The following PDPR variants were observed in gnomAD, a reference collection of about 807,000 sequenced individuals.
PDPR encodes the protein pyruvate dehydrogenase phosphatase regulatory subunit, also known as pyruvate dehydrogenase phosphatase regulatory subunit, mitochondrial.
In PDPR, 50 loss-of-function variants were observed where a neutral mutation model predicts 102.2. The ratio of observed to expected loss-of-function variants is 0.49; its 90% confidence interval spans 0.39 to 0.62. The LOEUF is 0.62. Among genes scored for constraint, PDPR ranks in the 20% least tolerant of loss-of-function variants. PDPR has a pLI of 0.00. For synonymous variants in PDPR, 259 were observed against 406.0 expected (o/e 0.64, Z 4.35); for missense variants, 625 against 1,098.2 (o/e 0.57, Z 6.09).
intron 4 of PDPR, among the ~76,000 whole-genome samples, chr16:70,127,805 G>A (rs951323934): frequency 2.0e-5 from 3 of 152,274 alleles, no homozygotes; most frequent in Non-Finnish European, 4.4e-5. Context: ...AACAGGAATT[G>A]GCTCTGGCCA....
intron 11 of PDPR, among the ~76,000 whole-genome samples, chr16:70,140,530 G>C (rs1483667914): frequency 6.6e-6 from 1 of 151,870 alleles, no homozygotes; most frequent in East Asian, 2.0e-4. Context: ...ATAGAAAATG[G>C]GGAAGGCGCC....
chr16:70,156,381 T>G (rs1967193629), intron 18 of PDPR, 94 bp from the exon 19 acceptor site: 1 of 1,458,280 alleles, frequency 6.9e-7, no homozygotes. Flanking sequence ...TGTGCCCCAT[T>G]GCAGTGACAC....
intron 2 of PDPR, among the ~76,000 whole-genome samples, chr16:70,118,725 G>A (rs1351650127): frequency 1.3e-5 from 2 of 152,164 alleles, no homozygotes; most frequent in Non-Finnish European, 2.9e-5. Context: ...ACGTGGAGAT[G>A]AGATTATGGA....
chr16:70,156,259 C>T (rs900727106), intron 18 of PDPR: 29 of 599,472 alleles, frequency 4.8e-5, no homozygotes, highest in African/African-American at 3.9e-4. Context: ...AAATGCGTAC[C>T]TCTGTTGTTA....
At chr16:70,114,636 C>G (rs183340036) in intron 1 of PDPR, among the ~76,000 whole-genome samples, 185 bp from the exon 2 acceptor site, 1 of 152,246 alleles carries the variant, frequency 6.6e-6, no homozygotes, top group Non-Finnish European at 1.5e-5. Flanking sequence ...TAAGGTTGTC[C>G]GCTCGTGCCT....
intron 9 of PDPR, among the ~76,000 whole-genome samples, chr16:70,133,413 C>A (rs1360329991): frequency 1.0e-5 from 1 of 97,548 alleles, no homozygotes; most frequent in Non-Finnish European, 2.0e-5. Flanking sequence ...TGAGCCACTG[C>A]GTCTGGCCTT....
rs773138743 is a variant in PDPR at position 70,148,456 on chromosome 16, C to G, written c.1963-8C>G. On this transcript the variant is annotated splice_polypyrimidine_tract_variant and splice_region_variant and intron_variant, in intron 16 of 18. Coordinates refer to ENST00000288050, the MANE Select transcript of PDPR (RefSeq NM_017990.5). ...TGCCCAGGCTGACTGCTGCCTTTGTCCCTGCAGGAGATGAGTGTGGGCTAT... is the reference window on the plus strand; with the variant it reads ...TGCCCAGGCTGACTGCTGCCTTTGTGCCTGCAGGAGATGAGTGTGGGCTAT... 1.7e-5 allele frequency: 28 copies of G among 1,609,202 alleles called. No individual in the cohort carries two copies. Among genetic ancestry groups the G allele is most frequent in the Middle Eastern group, 3.3e-4 (2 of 6,064 alleles).
In PDPR at chr16:70,162,018, G is replaced by C. The variant is rs369912590; in HGVS notation, c.*5139G>C. The C allele has an allele frequency of 6.6e-6, 1 of 152,386 alleles. No individual in the cohort carries two copies. Among genetic ancestry groups the C allele is most frequent in the Non-Finnish European group, 1.5e-5 (1 of 68,122 alleles). The allele number at this position is 152,386 out of a possible 1,614,324, so 9.4% of individuals were successfully genotyped here. The stretch of plus-strand genomic sequence containing the variant: ...TAGAGCCCCACTATTCTCTAAGCCA[G>C]GTTCTAGTGCCTTACACTCCAGAAT... On this transcript the variant is annotated 3_prime_UTR_variant, in exon 19 of 19. Transcript: ENST00000288050.
intron 9 of PDPR, among the ~76,000 whole-genome samples, chr16:70,135,066 A>G (rs1234095400): frequency 6.6e-6 from 1 of 152,190 alleles, no homozygotes; most frequent in Non-Finnish European, 1.5e-5. Context: ...CTATGTGTCT[A>G]CTAAACAAAC....
At position 70,161,889 on chromosome 16, in the gene PDPR, CCTGT is replaced by C. The variant is rs1343959022; in HGVS notation, c.*5016_*5019del. Reference sequence around the variant, plus strand: ...AGACCATCTTCTGCCTTCTTATTTTCCTGTCTGTCAAAGACAGAAATTACAGGAG... The same window carrying C: ...AGACCATCTTCTGCCTTCTTATTTTCCTGTCAAAGACAGAAATTACAGGAG... On this transcript the variant is annotated 3_prime_UTR_variant, in exon 19 of 19. Coordinates refer to ENST00000288050, the MANE Select transcript of PDPR (RefSeq NM_017990.5). 1 of 152,368 alleles carries C rather than the reference CCTGT, an allele frequency of 6.6e-6. No individual in the cohort carries two copies. The highest frequency in any genetic ancestry group is 1.5e-5 in the Non-Finnish European group (1 of 68,080). The allele number at this position is 152,368 out of a possible 1,614,324, so 9.4% of individuals were successfully genotyped here. A position where few individuals can be genotyped will look rare whatever the true frequency, so the allele number is the denominator to read the frequency against.
At chr16:70,128,632 A>G (rs887122398) in intron 4 of PDPR, among the ~76,000 whole-genome samples, 152 bp from the exon 5 acceptor site, 5 of 152,222 alleles carry the variant, frequency 3.3e-5, no homozygotes, top group Admixed American at 6.5e-5. Flanking sequence ...TTTTGCATAG[A>G]AGCTCAGAGA....
rs1967390536 is a variant in PDPR at position 70,157,868 on chromosome 16, A to C, written c.*989A>C. 6.5e-6 allele frequency: 1 copy of C among 154,392 alleles called. No homozygotes were observed. The allele number at this position is 154,392 out of a possible 1,614,324, so 9.6% of individuals were successfully genotyped here. On this transcript the variant is annotated 3_prime_UTR_variant, in exon 19 of 19. Transcript: ENST00000288050. ...CCTTTCACAGTTGGCCCATAAAGTC[A>C]TGTTTCTCTCCCTTTAGAATAGGGA... is the stretch of plus-strand genomic sequence containing the variant.
At chr16:70,140,562 T>C (rs1272765646) in intron 11 of PDPR, among the ~76,000 whole-genome samples, 1 of 152,114 alleles carries the variant, frequency 6.6e-6, no homozygotes, top group Non-Finnish European at 1.5e-5. Flanking sequence ...CTCAAGCCTG[T>C]AATCCCAGCA....
rs972877508 is a variant in PDPR, at chr16:70,160,653, C to T, written c.*3774C>T. On this transcript the variant is annotated 3_prime_UTR_variant, in exon 19 of 19. Coordinates refer to ENST00000288050, the MANE Select transcript of PDPR (RefSeq NM_017990.5). ...TCATGCACACCCGGAGTTTTACCTG[C>T]TTGCTTGCTTTCCTGGACTGCTGTT... 2 of 152,740 alleles carry T rather than the reference C, an allele frequency of 1.3e-5. No homozygotes were observed. The highest frequency in any genetic ancestry group is 4.8e-5 in the African/African-American group (2 of 41,490). The allele number at this position is 152,740 out of a possible 1,614,324, so 9.5% of individuals were successfully genotyped here.
chr16:70,146,078 C>T (rs2152110847), intron 15 of PDPR, 56 bp from the exon 16 acceptor site: 6 of 1,601,536 alleles, frequency 3.7e-6, no homozygotes, highest in Non-Finnish European at 5.1e-6. Flanking sequence ...AGACCTTTCC[C>T]ATTGGCTCAG....
chr16:70,135,068 TAAAC>T (rs1212664605), intron 9 of PDPR, among the ~76,000 whole-genome samples: 1 of 152,202 alleles, frequency 6.6e-6, no homozygotes, highest in Non-Finnish European at 1.5e-5. Flanking sequence ...ATGTGTCTAC[TAAAC>T]AAACCTGGCG....
chr16:70,153,371 C>CTT lies in PDPR; in HGVS notation c.2053-18_2053-17dup. ...ATTCTGAAGGTCTGCTGCTTATGAA[C>CTT]TTTCTGTCTCTTCCTATAGTACGCC... On this transcript the variant is annotated intron_variant, in intron 17 of 18. Coordinates refer to ENST00000288050, the MANE Select transcript of PDPR (RefSeq NM_017990.5). The CTT allele has an allele frequency of 6.2e-7, 1 of 1,604,950 alleles. No homozygotes were observed. The highest frequency in any genetic ancestry group is 8.5e-7 in the Non-Finnish European group (1 of 1,175,534).
intron 2 of PDPR, among the ~76,000 whole-genome samples, chr16:70,115,680 A>G (rs1248884665): frequency 1.3e-5 from 2 of 152,182 alleles, no homozygotes; most frequent in African/African-American, 2.4e-5. Context: ...TCGAAGTTAG[A>G]ACTAGCACCT....
rs1211037251 is a variant in PDPR, at chr16:70,153,511, G to T, written c.2173G>T (p.Asp725Tyr). The T allele has an allele frequency of 2.5e-6, 4 of 1,612,518 alleles. No individual in the cohort carries two copies. Among genetic ancestry groups the T allele is most frequent in the African/African-American group, 1.3e-5 (1 of 74,946 alleles). Residue 725 changes from aspartate to tyrosine, a missense_variant, in exon 18 of 19, where the codon GAT becomes TAT. Physicochemically the swap from Asp to Tyr is radical, Grantham distance 160. Coordinates refer to ENST00000288050, the MANE Select transcript of PDPR (RefSeq NM_017990.5). ...GAAGTTTTTTGCCTTCTGGGGTCAG[G>T]ATATAAATAACCTCACCACGCCCCT... ...IEKFFAFWGQ[D>Y]INNLTTPLEC...
Sources: gnomAD v4.1 joint callset for allele counts (sites outside exome capture counted in the v4.1 genomes callset) on GRCh38, gnomAD v4.1.1 for gene constraint, MANE v1.5 for transcripts, NCBI Gene and HGNC (gene_info 2026-07-23, HGNC 2026-07-21) for gene names.